The following LGALS8 variants were observed in gnomAD, a reference collection of about 807,000 sequenced individuals.
LGALS8 encodes the protein galectin-8.
A neutral mutation model predicts 35.9 loss-of-function variants in LGALS8; 30 were observed. The observed-to-expected ratio is 0.83, with a 90% CI of 0.62 to 1.13. The LOEUF is 1.13. LGALS8 is among the 50% of genes most tolerant of loss of function. The probability of loss-of-function intolerance (pLI) is 0.00; values close to 1 mark genes in which losing one functional copy is unlikely to be tolerated. For synonymous variants in LGALS8, 138 were observed against 136.1 expected, an observed-to-expected ratio of 1.01 and a Z score of -0.10; for missense variants, 366 against 388.7, an observed-to-expected ratio of 0.94 and a Z score of 0.49.
rs200958523 is a variant in LGALS8 at position 236,544,926 on chromosome 1, A to G, written c.804+11A>G. ...GGGATGTACTTTGAGGTGAGGTTAC[A>G]GTTTTTGAAAATGGGACAGCAATAA... is the stretch of plus-strand genomic sequence containing the variant. On this transcript the variant is annotated intron_variant, in intron 9 of 9. Coordinates refer to ENST00000366584, the MANE Select transcript of LGALS8 (RefSeq NM_201544.4). 8.2e-6 allele frequency: 13 copies of G among 1,588,662 alleles called. No individual in the cohort carries two copies. The Admixed American group carries it at 2.3e-4, about 28-fold the overall frequency.
chr1:236,537,021 C>CTTTTTTTTTTTTTTTTTTTTTT (rs60024224), intron 2 of LGALS8, among the ~76,000 whole-genome samples: 1 of 137,850 alleles, frequency 7.3e-6, no homozygotes, highest in Non-Finnish European at 1.5e-5. Flanking sequence ...TATGCAGTTC[C>CTTTTTTTTTTTTTTTTTTTTTT]TTTTTTTTTT....
In LGALS8 at chr1:236,538,816, G is replaced by C. The variant is rs1421376379; in HGVS notation, c.135-63G>C. 8 of 1,145,132 alleles carry C rather than the reference G, an allele frequency of 7.0e-6. No homozygotes were observed. The South Asian group carries it at 8.6e-5, about 12-fold the overall frequency. 70.9% of individuals were successfully genotyped at this position (1,145,132 alleles called of 1,614,324 possible). A position where few individuals can be genotyped will look rare whatever the true frequency, so the allele number is the denominator to read the frequency against. On this transcript the variant is annotated intron_variant, in intron 3 of 9. Coordinates refer to ENST00000366584, the MANE Select transcript of LGALS8 (RefSeq NM_201544.4). ...TGGGCCTGGAGTGTAGTGCCTGCTG[G>C]TCCTTTACTGGTGGCTTTCCTTTCT...
chr1:236,546,940 TATC>T (rs1400051824), intron 9 of LGALS8, among the ~76,000 whole-genome samples: 1 of 149,850 alleles, frequency 6.7e-6, no homozygotes, highest in Non-Finnish European at 1.5e-5. Flanking sequence ...GGCCAGCTGT[TATC>T]AGAGTGCAGG....
chr1:236,552,920 AAT>A lies in LGALS8; in HGVS notation c.*4761_*4762del, dbSNP rs1217997212. ...GGTTTAAAATGTGGGGGTTCATCAT[AAT>A]AGTCTCATTGTTAGCATATCCTAAT... On this transcript the variant is annotated 3_prime_UTR_variant, in exon 10 of 10. Coordinates refer to ENST00000366584, the MANE Select transcript of LGALS8 (RefSeq NM_201544.4). 1 of 152,248 alleles carries A rather than the reference AAT, an allele frequency of 6.6e-6. No individual in the cohort carries two copies. The highest frequency in any genetic ancestry group is 2.4e-5 in the African/African-American group (1 of 41,472). 9.4% of individuals were successfully genotyped at this position (152,248 alleles called of 1,614,324 possible).
chr1:236,541,929 G>T (rs1027105685), intron 6 of LGALS8, among the ~76,000 whole-genome samples: 8 of 152,190 alleles, frequency 5.3e-5, no homozygotes, highest in African/African-American at 1.9e-4. Flanking sequence ...CTGTTCTTAT[G>T]TAAAAAGCAC....
At chr1:236,535,724 C>T (rs1474355338) in intron 2 of LGALS8, among the ~76,000 whole-genome samples, 2 of 152,160 alleles carry the variant, frequency 1.3e-5, no homozygotes, top group African/African-American at 4.8e-5. Flanking sequence ...TTTTTGTTTT[C>T]TGGTGTCATG....
chr1:236,537,926 C>CCCG (rs1171178238), intron 3 of LGALS8, among the ~76,000 whole-genome samples: 2 of 99,344 alleles, frequency 2.0e-5, no homozygotes, highest in African/African-American at 3.2e-5. Flanking sequence ...AGTGAGACCC[C>CCCG]CCATCTGTAA....
intron 4 of LGALS8, 183 bp from the exon 5 acceptor site, chr1:236,540,378 AAAG>A: frequency 1.9e-6 from 1 of 518,478 alleles, no homozygotes; most frequent in South Asian, 3.9e-5. Flanking sequence ...CAGGAACTCA[AAAG>A]AAGTTTGGAA....
At chr1:236,539,331 G>C (rs1048555578) in intron 4 of LGALS8, 1 of 490,336 alleles carries the variant, frequency 2.0e-6, no homozygotes, top group Non-Finnish European at 3.7e-6. Context: ...CTTTTTATTA[G>C]ATCCTATTTC....
At chr1:236,542,947 C>T (rs746770967) in intron 7 of LGALS8, 160 bp downstream of exon 7, 7 of 1,613,966 alleles carry the variant, frequency 4.3e-6, no homozygotes, top group East Asian at 2.2e-5. Flanking sequence ...TTTCTAAAAT[C>T]GCACCCAGAA....
In LGALS8 at chr1:236,548,182, A is replaced by G. The variant is rs769847861; in HGVS notation, c.*21A>G. The G allele has an allele frequency of 3.7e-6, 6 of 1,604,000 alleles. No individual in the cohort carries two copies. Among genetic ancestry groups the G allele is most frequent in the Non-Finnish European group, 4.3e-6 (5 of 1,174,704 alleles). On this transcript the variant is annotated 3_prime_UTR_variant, in exon 10 of 10. Coordinates refer to ENST00000366584, the MANE Select transcript of LGALS8 (RefSeq NM_201544.4). ...GGTAGCCTACCTACACAGCTGCTAC[A>G]AAAACCAAAATACAGAATGGCTTCT...
Position 236,542,804 on chromosome 1 carries a change from G to A in LGALS8, c.549+17G>A. The stretch of plus-strand genomic sequence containing the variant: ...CCCCAGCTTGTGAGTATTTTTGCCT[G>A]GGTTATTTCATGTGGAATATTTTAT... On this transcript the variant is annotated intron_variant, in intron 7 of 9. Coordinates refer to ENST00000366584, the MANE Select transcript of LGALS8 (RefSeq NM_201544.4). 1.9e-6 allele frequency: 3 copies of A among 1,614,144 alleles called. No individual in the cohort carries two copies. The highest frequency in any genetic ancestry group is 2.2e-5 in the East Asian group (1 of 44,880).
intron 2 of LGALS8, 147 bp from the exon 3 acceptor site, chr1:236,537,350 T>C: frequency 1.6e-6 from 1 of 629,026 alleles, no homozygotes; most frequent in East Asian, 2.8e-5. Context: ...ATAGGAAAGA[T>C]GACTTGGAAA....
At position 236,540,634 on chromosome 1, in the gene LGALS8, G is replaced by A. The variant is rs1226853809; in HGVS notation, c.416G>A (p.Gly139Asp). ...RIGPEKIDTL[G>D]IYGKVNIHSI... is the part of the protein sequence containing the mutation. The stretch of plus-strand genomic sequence containing the variant: ...GGCCCAGAGAAAATAGACACTCTGG[G>A]CATTTATGGCAAAGTGAATATTCAC... The change falls in exon 5 of 10, where the codon GGC (glycine) becomes GAC (aspartate). Residue 139 changes from glycine to aspartate, a missense_variant. Gly to Asp is a moderately conservative substitution (Grantham distance 94, BLOSUM62 -1). Coordinates refer to ENST00000366584, the MANE Select transcript of LGALS8 (RefSeq NM_201544.4). 2 of 1,611,326 alleles carry A rather than the reference G, an allele frequency of 1.2e-6. No homozygotes were observed. The highest frequency in any genetic ancestry group is 1.1e-5 in the South Asian group (1 of 90,382).
chr1:236,526,213 T>G lies in LGALS8; in HGVS notation c.45+98T>G. Reference sequence around the variant, plus strand: ...GAGACAGGGCAAGAATAAAAGCCAGTGAACATATTTAAAGCACCTACTATG... The same window carrying G: ...GAGACAGGGCAAGAATAAAAGCCAGGGAACATATTTAAAGCACCTACTATG... On this transcript the variant is annotated intron_variant, in intron 2 of 9. Coordinates refer to ENST00000366584, the MANE Select transcript of LGALS8 (RefSeq NM_201544.4). The surrounding 1 kb of genome is among the most constrained non-coding windows in gnomAD (Gnocchi z 4.6). The G allele has an allele frequency of 2.2e-6, 2 of 901,958 alleles. No individual in the cohort carries two copies. Among genetic ancestry groups the G allele is most frequent in the South Asian group, 3.0e-5 (2 of 67,536 alleles). 55.9% of individuals were successfully genotyped at this position (901,958 alleles called of 1,614,324 possible). A position where few individuals can be genotyped will look rare whatever the true frequency, so the allele number is the denominator to read the frequency against.
chr1:236,532,111 C>T (rs1394642515), intron 2 of LGALS8, among the ~76,000 whole-genome samples: 3 of 152,096 alleles, frequency 2.0e-5, no homozygotes, highest in Non-Finnish European at 4.4e-5. Context: ...AAATTCTGGT[C>T]CCCCAGAAGG....
intron 2 of LGALS8, among the ~76,000 whole-genome samples, chr1:236,528,842 C>T (rs1406449352): frequency 1.3e-5 from 2 of 152,160 alleles, no homozygotes; most frequent in South Asian, 2.1e-4. Flanking sequence ...TTTTGGTCCA[C>T]ATTGGTGTTA....
chr1:236,544,728 T>TTC (rs1558167912), intron 8 of LGALS8, 22 bp from the exon 9 acceptor site: 1 of 1,571,288 alleles, frequency 6.4e-7, no homozygotes, highest in Non-Finnish European at 8.6e-7. Context: ...TAAGGTTTTT[T>TTC]TTTTTCTTTC....
intron 1 of LGALS8, chr1:236,524,295 T>G (rs1421430692): frequency 6.6e-6 from 3 of 456,502 alleles, no homozygotes; most frequent in African/African-American, 4.0e-5. Context: ...CATAAGGGAT[T>G]ATCAGGAGTC....
Sources: allele counts gnomAD v4.1 joint callset (sites outside exome capture counted in the v4.1 genomes callset), GRCh38; gene constraint gnomAD v4.1.1; non-coding constraint Gnocchi (gnomAD v3.1); transcripts MANE v1.5; gene names NCBI Gene and HGNC (gene_info 2026-07-23, HGNC 2026-07-21).